ABCD3: variants seen among roughly 807,000 people sequenced by gnomAD.
The protein encoded by ABCD3 is ATP-binding cassette sub-family D member 3.
In ABCD3, 41 loss-of-function variants were observed where a neutral mutation model predicts 105.5. The ratio of observed to expected loss-of-function variants is 0.39; its 90% CI spans 0.30 to 0.50. The LOEUF is 0.50. Ranked by LOEUF, ABCD3 falls within the 20% of genes least tolerant of loss-of-function variation. The pLI is 0.84. For missense variants in ABCD3, 622 were observed against 806.3 expected (o/e 0.77, Z 2.77); for synonymous variants, 258 against 269.0 (o/e 0.96, Z 0.40).
intron 21 of ABCD3, chr1:94,514,032 A>T (rs184468308): frequency 6.6e-6 from 1 of 152,186 alleles, no homozygotes; most frequent in Admixed American, 6.5e-5. Context: ...TCATGGTAAA[A>T]ATGATCTAGA....
At chr1:94,415,191 C>A (rs928474088), upstream of ABCD3, among the ~76,000 whole-genome samples, 2 of 152,192 alleles carry the variant, frequency 1.3e-5, no homozygotes, top group African/African-American at 2.4e-5. Flanking sequence ...TCATTATACT[C>A]TTTTGGTCAC....
rs1338281846 is a variant in ABCD3 at position 94,489,724 on chromosome 1, G to GT, written c.1161dup (p.Thr388TyrfsTer20). On this transcript the variant is annotated frameshift_variant and splice_region_variant. Coordinates refer to ENST00000370214, the MANE Select transcript of ABCD3 (RefSeq NM_002858.4). LOFTEE classifies it high-confidence loss of function. ...TATGGTTTCCTTTTCTAAAATTTTA[G>GT]TTTTACTGCTCGGATTACAGAATTA... 6.2e-7 allele frequency: 1 copy of GT among 1,611,052 alleles called. No homozygotes were observed. The highest frequency in any genetic ancestry group is 1.1e-5 in the South Asian group (1 of 90,976).
chr1:94,452,463 C>T (rs552687773), intron 1 of ABCD3, among the ~76,000 whole-genome samples: 64 of 152,242 alleles, frequency 4.2e-4, no homozygotes, highest in South Asian at 3.5e-3. Context: ...GAGTGTGCCT[C>T]GTGGCAGGAG....
chr1:94,445,508 G>T (rs1337042725), intron 1 of ABCD3, among the ~76,000 whole-genome samples: 6 of 152,190 alleles, frequency 3.9e-5, no homozygotes, highest in Non-Finnish European at 8.8e-5. Context: ...TGATGTGGAA[G>T]GAGAGTATAA....
At chr1:94,421,007 C>G (rs567626682) in intron 1 of ABCD3, among the ~76,000 whole-genome samples, 9 of 152,130 alleles carry the variant, frequency 5.9e-5, no homozygotes, top group Admixed American at 1.3e-4. Context: ...ATTAAATGTT[C>G]TGGGTTACTT....
In ABCD3 at chr1:94,517,792, A is replaced by G. The variant is rs894640243; in HGVS notation, c.*663A>G. 1.3e-5 allele frequency: 2 copies of G among 153,358 alleles called. No individual in the cohort carries two copies. The highest frequency in any genetic ancestry group is 4.8e-5 in the African/African-American group (2 of 41,408). 9.5% of individuals were successfully genotyped at this position (153,358 alleles called of 1,614,324 possible). A position where few individuals can be genotyped will look rare whatever the true frequency, so the allele number is the denominator to read the frequency against. ...TGCAGTATTGAGTTGTTTAAAGTAT[A>G]TGTGCAGTCTTGCTTACAAGGAGGG... On this transcript the variant is annotated 3_prime_UTR_variant, in exon 23 of 23. Coordinates refer to ENST00000370214, the MANE Select transcript of ABCD3 (RefSeq NM_002858.4).
chr1:94,468,726 G>A (rs1340898228), intron 4 of ABCD3, among the ~76,000 whole-genome samples: 34 of 152,050 alleles, frequency 2.2e-4, no homozygotes, highest in Admixed American at 2.2e-3. Context: ...ATAACTTTTT[G>A]AATGACAGTA....
chr1:94,504,448 G>C (rs529767547), intron 20 of ABCD3, among the ~76,000 whole-genome samples: 1 of 152,284 alleles, frequency 6.6e-6, no homozygotes, highest in South Asian at 2.1e-4. Flanking sequence ...TGTGGCTAGG[G>C]ATGAGGGTAG....
chr1:94,426,948 CAATT>C (rs1019473203), intron 1 of ABCD3, among the ~76,000 whole-genome samples: 7 of 150,504 alleles, frequency 4.7e-5, no homozygotes, highest in African/African-American at 1.7e-4. Flanking sequence ...TTGATCTGCA[CAATT>C]AATTACTATT....
chr1:94,510,240 G>A (rs1410281114), intron 21 of ABCD3, among the ~76,000 whole-genome samples: 7 of 151,836 alleles, frequency 4.6e-5, no homozygotes, highest in Admixed American at 2.0e-4. Flanking sequence ...CCTTCATTTC[G>A]TTATGTACCC....
At chr1:94,453,581 G>A (rs1226740884) in intron 1 of ABCD3, among the ~76,000 whole-genome samples, 1 of 152,004 alleles carries the variant, frequency 6.6e-6, no homozygotes, top group Non-Finnish European at 1.5e-5. Context: ...GCCTCCCAAA[G>A]TGCTGGGATT....
At chr1:94,513,744 A>C (rs1650795389) in intron 21 of ABCD3, 1 of 151,986 alleles carries the variant, frequency 6.6e-6, no homozygotes, top group Admixed American at 6.6e-5. Context: ...TTATATCCTC[A>C]TGTAAAGAAT....
chr1:94,418,617 C>A, intron 1 of ABCD3, 29 bp downstream of exon 1: 1 of 1,568,322 alleles, frequency 6.4e-7, no homozygotes, highest in Non-Finnish European at 8.6e-7. Flanking sequence ...GTGCAGCTTT[C>A]CCGGGCTGGA....
intron 1 of ABCD3, among the ~76,000 whole-genome samples, chr1:94,447,249 T>G (rs1002578601): frequency 2.6e-5 from 4 of 152,234 alleles, no homozygotes; most frequent in African/African-American, 9.6e-5. Context: ...CATTTTCTCC[T>G]TGGAATTCAC....
At chr1:94,402,780 G>A in the ABCD3 span, among the ~76,000 whole-genome samples, 3 of 151,936 alleles carry the variant, frequency 2.0e-5, no homozygotes, top group Non-Finnish European at 2.9e-5. Context: ...TTGTTATTAT[G>A]AATATAATAC....
At chr1:94,427,964 A>T (rs904578208) in intron 1 of ABCD3, among the ~76,000 whole-genome samples, 1 of 152,204 alleles carries the variant, frequency 6.6e-6, no homozygotes, top group South Asian at 2.1e-4. Context: ...AAAGTTAAGG[A>T]TAAAATTCTT....
chr1:94,406,552 T>G, the ABCD3 span: 1 of 358,622 alleles, frequency 2.8e-6, no homozygotes, highest in South Asian at 2.4e-5. Context: ...TTTTCCTTCT[T>G]GCGTTTCAGG....
intron 13 of ABCD3, among the ~76,000 whole-genome samples, chr1:94,489,201 T>A (rs898616730): frequency 7.2e-5 from 11 of 152,070 alleles, no homozygotes; most frequent in Non-Finnish European, 1.3e-4. Flanking sequence ...GTGATTTCTA[T>A]CTAATAATAA....
At chr1:94,486,989 G>A (rs1649304331) in intron 10 of ABCD3, among the ~76,000 whole-genome samples, 1 of 152,174 alleles carries the variant, frequency 6.6e-6, no homozygotes, top group East Asian at 1.9e-4. Context: ...AGCAGTTTTA[G>A]ACTTGTAGTT....
Sources: allele counts gnomAD v4.1 joint callset (sites outside exome capture counted in the v4.1 genomes callset), GRCh38; gene constraint gnomAD v4.1.1; transcripts MANE v1.5; gene names NCBI Gene and HGNC (gene_info 2026-07-23, HGNC 2026-07-21).